The following SFTPD variants were observed in gnomAD, a reference collection of about 807,000 sequenced individuals.
SFTPD encodes the protein surfactant protein D.
A neutral mutation model predicts 34.6 loss-of-function variants in SFTPD; 18 were observed. The ratio of observed to expected loss-of-function variants is 0.52; its 90% confidence interval spans 0.36 to 0.77. SFTPD has a LOEUF of 0.77. Ranked by LOEUF, SFTPD falls within the 30% of genes least tolerant of loss-of-function variation. SFTPD has a pLI of 0.00. For missense variants in SFTPD, 433 were observed against 468.9 expected (o/e 0.92, Z 0.71); for synonymous variants, 155 against 180.9 (o/e 0.86, Z 1.15).
Position 79,937,876 on chromosome 10 carries a change from C to T in SFTPD, c.1104G>A (p.Lys368=). The T allele has an allele frequency of 6.4e-7, 1 of 1,556,038 alleles. No homozygotes were observed. The highest frequency in any genetic ancestry group is 1.7e-4 in the Middle Eastern group (1 of 5,790). The change falls in exon 8 of 8, where the codon AAG becomes AAA. Residue 368 remains lysine (K), a synonymous_variant. Coordinates refer to ENST00000372292, the MANE Select transcript of SFTPD (RefSeq NM_003019.5). ...CTCAGAACTCGCAGACCACAAGACG[C>T]TTTTCTCCACAAGCCCTGTCATTCC... The part of the protein sequence containing the change: ...GKWNDRACGE[K]RLVVCEF
rs1842570643 is a variant in SFTPD at position 79,937,792 on chromosome 10, T to C, written c.*60A>G. ...TTAGGATATTGGCAGCATGAGGGTCTAAGCCTTGACTTCTGGCCAAACTCC... is the reference window on the plus strand; with the variant it reads ...TTAGGATATTGGCAGCATGAGGGTCCAAGCCTTGACTTCTGGCCAAACTCC... On this transcript the variant is annotated 3_prime_UTR_variant, in exon 8 of 8. Coordinates refer to ENST00000372292, the MANE Select transcript of SFTPD (RefSeq NM_003019.5). The C allele has an allele frequency of 6.7e-7, 1 of 1,496,806 alleles. No homozygotes were observed. Among genetic ancestry groups the C allele is most frequent in the Non-Finnish European group, 8.9e-7 (1 of 1,117,824 alleles). The allele number at this position is 1,496,806 out of a possible 1,614,324, so 92.7% of individuals were successfully genotyped here.
At chr10:79,941,376 G>C in intron 6 of SFTPD, 22 bp downstream of exon 6, 1 of 1,606,232 alleles carries the variant, frequency 6.2e-7, no homozygotes, top group Non-Finnish European at 8.5e-7. Flanking sequence ...GGGCTTCCCT[G>C]GGCCAGGAGC....
intron 1 of SFTPD, among the ~76,000 whole-genome samples, chr10:79,964,058 T>C (rs1281925973): frequency 1.3e-5 from 2 of 152,106 alleles, no homozygotes; most frequent in African/African-American, 4.8e-5. Context: ...CTATAGTATC[T>C]TCCACACCTA....
At chr10:79,963,368 G>A (rs1050939581) in intron 1 of SFTPD, among the ~76,000 whole-genome samples, 1 of 150,926 alleles carries the variant, frequency 6.6e-6, no homozygotes, top group Non-Finnish European at 1.5e-5. Context: ...AAAAAAACTA[G>A]GAGTGAGACT....
intron 1 of SFTPD, among the ~76,000 whole-genome samples, chr10:79,961,455 AAAAC>A (rs1485501015): frequency 1.1e-4 from 16 of 151,096 alleles, no homozygotes; most frequent in Non-Finnish European, 2.1e-4. Flanking sequence ...TACAAGAAAA[AAAAC>A]AACTCCATCA....
intron 1 of SFTPD, chr10:79,969,711 T>G (rs1842825167): frequency 6.6e-6 from 1 of 150,562 alleles, no homozygotes; most frequent in South Asian, 2.1e-4. Context: ...TTGAGAAATG[T>G]CTGTTCAGAT....
chr10:79,978,651 CAAAAAA>C (rs58759979), intron 1 of SFTPD, among the ~76,000 whole-genome samples: 5 of 51,976 alleles, frequency 9.6e-5, no homozygotes, highest in East Asian at 7.3e-4. Flanking sequence ...CACCCTGTCT[CAAAAAA>C]AAAAAAAAAA....
upstream of SFTPD, among the ~76,000 whole-genome samples, chr10:79,952,194 C>T (rs1842714205): frequency 6.6e-6 from 1 of 152,216 alleles, no homozygotes; most frequent in Non-Finnish European, 1.5e-5. Context: ...GCTGCTGCTC[C>T]ATATGGGGAG....
In SFTPD at chr10:79,961,364, A is replaced by G. The variant is rs1480142619; in HGVS notation, c.37-14702T>C. Among the ~76,000 whole-genome samples the G allele has an allele frequency of 2.6e-5, 4 of 152,334 alleles. No homozygotes were observed. The East Asian group carries it at 7.7e-4, about 29-fold the overall frequency. ...TACCATCAGAGTGAACAGGTAACCT[A>G]TAAAATGGGACAAAATTTTTGCAAC... On this transcript the variant is annotated intron_variant, in intron 1 of 5. Coordinates refer to the SFTPD transcript ENST00000444384.
chr10:79,957,356 C>T (rs567144464), intron 1 of SFTPD, among the ~76,000 whole-genome samples: 72 of 152,150 alleles, frequency 4.7e-4, no homozygotes, highest in African/African-American at 1.6e-3. Flanking sequence ...CTATTCGGAG[C>T]TACAGGAGGA....
chr10:79,948,469 TC>T (rs1842687496), intron 1 of SFTPD, among the ~76,000 whole-genome samples: 1 of 152,044 alleles, frequency 6.6e-6, no homozygotes, highest in African/African-American at 2.4e-5. Context: ...AGAGTTGTGG[TC>T]CCCCTCAACC....
In SFTPD at chr10:79,940,932, T is replaced by G. The variant is rs574881759; in HGVS notation, c.668-144A>C. ...GCAAGCCCACATCTACTGACACAGC[T>G]GGCCTCTGCTGTGTAAGGATGTCTT... On this transcript the variant is annotated intron_variant, in intron 6 of 7. Transcript: ENST00000372292. 1.6e-4 allele frequency: 95 copies of G among 606,900 alleles called. 1 individual carries two copies. In the African/African-American group the frequency reaches 1.6e-3, roughly 10 times the overall value. 37.6% of individuals were successfully genotyped at this position (606,900 alleles called of 1,614,324 possible).
intron 1 of SFTPD, among the ~76,000 whole-genome samples, chr10:79,973,617 CA>C (rs5786429): frequency 0.02 from 1,838 of 90,590 alleles, 29 homozygotes; most frequent in African/African-American, 0.063. Context: ...GACTCTGTCT[CA>C]AAAAAAAAAA....
rs757550932 is a variant in SFTPD, at chr10:79,977,962, TTGTC to T, written c.36+4609_36+4612del. Among the ~76,000 whole-genome samples, 84 of 152,360 alleles carry T rather than the reference TTGTC, an allele frequency of 5.5e-4. 1 individual carries two copies. The highest frequency in any genetic ancestry group is 6.8e-3 in the Middle Eastern group (2 of 294). Reference sequence around the variant, plus strand: ...CCCAGCTTATTAAGCAGTGCAATCTTTGTCTGAGTTCAAGAATTTCTTGACTTAC... The same window carrying T: ...CCCAGCTTATTAAGCAGTGCAATCTTTGAGTTCAAGAATTTCTTGACTTAC... On this transcript the variant is annotated intron_variant, in intron 1 of 5. Coordinates refer to the SFTPD transcript ENST00000444384.
chr10:79,948,932 C>A (rs1201883793), intron 1 of SFTPD, 134 bp downstream of exon 1: 4 of 152,462 alleles, frequency 2.6e-5, no homozygotes, highest in Admixed American at 2.6e-4. Context: ...CTCCCCACCT[C>A]CTGCGCCCAT....
chr10:79,957,800 C>T (rs200369990), intron 1 of SFTPD, among the ~76,000 whole-genome samples: 7,745 of 152,092 alleles, frequency 0.051, 246 homozygotes, highest in East Asian at 0.15. Context: ...ATACAGAGAA[C>T]GCCACAAAGA....
chr10:79,968,477 G>C (rs931875895), intron 1 of SFTPD: 1 of 152,092 alleles, frequency 6.6e-6, no homozygotes, highest in African/African-American at 2.4e-5. Context: ...TATCCATGTT[G>C]CTGCAAAGGA....
intron 5 of SFTPD, 41 bp from the exon 6 acceptor site, chr10:79,941,555 TA>T (rs1470058974): frequency 6.7e-7 from 1 of 1,489,810 alleles, no homozygotes; most frequent in Non-Finnish European, 9.1e-7. Flanking sequence ...GTACTCATTT[TA>T]TTTTTTTTGT....
chr10:79,951,472 T>G (rs1308857854), upstream of SFTPD, among the ~76,000 whole-genome samples: 5 of 152,146 alleles, frequency 3.3e-5, no homozygotes, highest in African/African-American at 1.2e-4. Flanking sequence ...AGCTTTTGTG[T>G]GGTGGCTTTA....
Sources: gnomAD v4.1 joint callset for allele counts (sites outside exome capture counted in the v4.1 genomes callset) on GRCh38, gnomAD v4.1.1 for gene constraint, MANE v1.5 for transcripts, NCBI Gene and HGNC (gene_info 2026-07-23, HGNC 2026-07-21) for gene names.